Variants in AK9 observed in about 807,000 individuals in gnomAD.
AK9 encodes adenylate kinase 9.
A neutral mutation model predicts 239.6 loss-of-function variants in AK9; 191 were observed. That is an observed-to-expected ratio of 0.80 (90% CI 0.71 to 0.90). The LOEUF (loss-of-function observed/expected upper bound fraction) is 0.90. Among genes scored for constraint, AK9 ranks in the 40% least tolerant of loss-of-function variants. The probability of loss-of-function intolerance (pLI) is 0.00; values close to 1 mark genes in which losing one functional copy is unlikely to be tolerated. For synonymous variants in AK9, 689 were observed against 721.0 expected, an observed-to-expected ratio of 0.96 and a Z score of 0.71; for missense variants, 1,995 against 2,214.7, an observed-to-expected ratio of 0.90 and a Z score of 1.99.
At chr6:109,553,500 C>G (rs1184104691) in intron 24 of AK9, among the ~76,000 whole-genome samples, 1 of 152,030 alleles carries the variant, frequency 6.6e-6, no homozygotes, top group Non-Finnish European at 1.5e-5. Flanking sequence ...TGGCTCTCTG[C>G]TTGCCTATTG....
chr6:109,641,455 C>T, intron 10 of AK9, 63 bp downstream of exon 10: 2 of 1,335,226 alleles, frequency 1.5e-6, no homozygotes, highest in Non-Finnish European at 2.1e-6. Context: ...AGGTGTGAGC[C>T]ACTGCACCCT....
intron 12 of AK9, among the ~76,000 whole-genome samples, chr6:109,629,302 T>A (rs1170819010): frequency 6.6e-6 from 1 of 152,120 alleles, no homozygotes; most frequent in Non-Finnish European, 1.5e-5. Flanking sequence ...TCAAATTCTA[T>A]AATGTAACTA....
chr6:109,668,270 T>G (rs1261407720), intron 5 of AK9, among the ~76,000 whole-genome samples: 1 of 152,116 alleles, frequency 6.6e-6, no homozygotes, highest in Non-Finnish European at 1.5e-5. Flanking sequence ...TAAATTTGTT[T>G]GAGTTCTTTG....
chr6:109,530,775 T>G (rs1166728241), intron 28 of AK9, among the ~76,000 whole-genome samples: 1 of 152,200 alleles, frequency 6.6e-6, no homozygotes, highest in African/African-American at 2.4e-5. Flanking sequence ...AATTCAGAGT[T>G]TAACTCACGT....
At chr6:109,691,109 C>T (rs746261941) in intron 1 of AK9, 38 bp downstream of exon 1, 1 of 488,710 alleles carries the variant, frequency 2.0e-6, no homozygotes, top group Non-Finnish European at 3.7e-6. Context: ...ATTAATCCGT[C>T]GACTTTTTCT....
At chr6:109,643,178 T>C (rs987904742) in intron 9 of AK9, among the ~76,000 whole-genome samples, 1 of 152,160 alleles carries the variant, frequency 6.6e-6, no homozygotes, top group African/African-American at 2.4e-5. Context: ...CTATTATAGA[T>C]TGAATTAGAT....
At chr6:109,652,083 C>T (rs896011404) in intron 8 of AK9, among the ~76,000 whole-genome samples, 9 of 152,166 alleles carry the variant, frequency 5.9e-5, no homozygotes, top group African/African-American at 2.2e-4. Flanking sequence ...ATACCAAAGC[C>T]TGTCAGAGAA....
At chr6:109,586,123 A>T in intron 17 of AK9, 51 bp from the exon 18 acceptor site, 1 of 1,385,206 alleles carries the variant, frequency 7.2e-7, no homozygotes, top group Non-Finnish European at 9.6e-7. Flanking sequence ...CAAGTCAAGG[A>T]TGCAACCTTG....
chr6:109,578,847 G>GTTTTGAGTGCTCCT (rs6149744), intron 20 of AK9, among the ~76,000 whole-genome samples: 2 of 151,878 alleles, frequency 1.3e-5, no homozygotes, highest in South Asian at 2.1e-4. Flanking sequence ...TATTCGTATA[G>GTTTTGAGTGCTCCT]TTTGGAATTT....
chr6:109,636,410 T>C (rs1444187593), intron 10 of AK9, among the ~76,000 whole-genome samples: 1 of 152,016 alleles, frequency 6.6e-6, no homozygotes, highest in South Asian at 2.1e-4. Flanking sequence ...AAAATACACA[T>C]CCCATAAAAT....
intron 8 of AK9, among the ~76,000 whole-genome samples, chr6:109,648,181 T>C (rs1423464397): frequency 3.3e-5 from 5 of 151,878 alleles, no homozygotes; most frequent in African/African-American, 1.2e-4. Context: ...TTAAAAGAAC[T>C]AGAAAAGCAA....
rs1226809494 is a variant in AK9, at chr6:109,509,321, G to C, written c.4339C>G (p.Arg1447Gly). The change falls in exon 33 of 41, where the codon CGT becomes GGT. Residue 1447 changes from arginine (R) to glycine (G), a missense_variant. Around this residue, in one of 5 missense-constraint regions of AK9, gnomAD observed 1,290 missense variants for 1,392.7 expected, o/e 0.93. Transcript: ENST00000424296. ...TCCGGGTGATTGTTTAGTACATAACGCAAAGCTCCTCCTATTGATAAATGC... is the reference window on the plus strand; with the variant it reads ...TCCGGGTGATTGTTTAGTACATAACCCAAAGCTCCTCCTATTGATAAATGC... Reference protein sequence around the residue: ...LKHLSIGGALRYVLNNHPETE... With the variant: ...LKHLSIGGALGYVLNNHPETE... 4 of 1,551,450 alleles carry C rather than the reference G, an allele frequency of 2.6e-6. No homozygotes were observed. The Admixed American group carries it at 7.8e-5, about 30-fold the overall frequency.
intron 17 of AK9, among the ~76,000 whole-genome samples, chr6:109,601,649 T>C (rs1364946801): frequency 6.6e-6 from 1 of 152,186 alleles, no homozygotes; most frequent in Non-Finnish European, 1.5e-5. Context: ...ACTTTCTGTC[T>C]CGTTGATCTG....
rs555270228 is a variant in AK9, at chr6:109,668,783, C to G, written c.331+3136G>C. ...TCTCTGTTTTGGTACCAGTACCACA[C>G]TGTTTTGGTTACTGTAGCCTTGTAG... On this transcript the variant is annotated intron_variant, in intron 5 of 40. Transcript: ENST00000424296. 2.2e-5 allele frequency among the ~76,000 whole-genome samples: 2 copies of G among 92,116 alleles called. 1 individual carries two copies. Among genetic ancestry groups the G allele is most frequent in the African/African-American group, 5.9e-5 (2 of 33,766 alleles). 60.4% of individuals were successfully genotyped at this position (92,116 alleles called of 152,430 possible). A position where few individuals can be genotyped will look rare whatever the true frequency, so the allele number is the denominator to read the frequency against.
In AK9 at chr6:109,610,527, A is replaced by G; in HGVS notation, c.1694-14T>C. 3.9e-6 allele frequency: 6 copies of G among 1,546,220 alleles called. No individual in the cohort carries two copies. The highest frequency in any genetic ancestry group is 5.2e-6 in the Non-Finnish European group (6 of 1,144,932). ...CTTCTGTTGGGGCTAAAGTAAAATA[A>G]GCTGATAAATTAATGCCATTAATAA... On this transcript the variant is annotated splice_polypyrimidine_tract_variant and intron_variant, in intron 16 of 40. Coordinates refer to ENST00000424296, the MANE Select transcript of AK9 (RefSeq NM_001145128.3).
chr6:109,644,483 T>C, intron 9 of AK9, 131 bp downstream of exon 9: 1 of 741,174 alleles, frequency 1.3e-6, no homozygotes, highest in Non-Finnish European at 2.0e-6. Context: ...TTTTAAGTGT[T>C]AAGACAGATT....
At position 109,545,987 on chromosome 6, in the gene AK9, T is replaced by C. The variant is rs538571470; in HGVS notation, c.3105A>G (p.Glu1035=). The change falls in exon 26 of 41, where the codon GAA becomes GAG. Residue 1035 remains glutamate, a synonymous_variant. Transcript: ENST00000424296. ...CCTCAAATTCAGGTCCCACTTTCTT[T>C]TCAGTTTTGAGTAGTAGTTTTTCTT... ...VLQEKLLLKT[E]KKVGPEFEED... is the part of the protein sequence containing the mutation. 3.5e-5 allele frequency: 57 copies of C among 1,614,114 alleles called. No individual in the cohort carries two copies. The highest frequency in any genetic ancestry group is 4.7e-5 in the Non-Finnish European group (56 of 1,180,050).
intron 24 of AK9, 32 bp from the exon 25 acceptor site, chr6:109,550,334 T>G (rs917197567): frequency 1.3e-6 from 2 of 1,559,020 alleles, no homozygotes; most frequent in African/African-American, 2.8e-5. Flanking sequence ...TGGAGAACAT[T>G]AAACTAAAAA....
intron 6 of AK9, among the ~76,000 whole-genome samples, chr6:109,660,230 T>C (rs4947006): frequency 0.71 from 108,594 of 151,936 alleles, 39,294 homozygotes; most frequent in East Asian, 0.99. Flanking sequence ...TGGTTTGAGG[T>C]TGTAAATTGT....
Sources: allele counts gnomAD v4.1 joint callset (sites outside exome capture counted in the v4.1 genomes callset), GRCh38; gene constraint gnomAD v4.1.1; regional missense constraint gnomAD v4.1.1; transcripts MANE v1.5; gene names NCBI Gene and HGNC (gene_info 2026-07-23, HGNC 2026-07-21).